The following OCA2 variants were observed in gnomAD, a reference collection of about 807,000 sequenced individuals.
OCA2 encodes the protein OCA2 melanosomal transmembrane protein.
In OCA2, 77 loss-of-function variants were observed where a neutral mutation model predicts 100.2. The observed-to-expected ratio is 0.77, with a 90% confidence interval of 0.64 to 0.93. The LOEUF (loss-of-function observed/expected upper bound fraction) is 0.93. Ranked by LOEUF, OCA2 falls within the 40% of genes least tolerant of loss-of-function variation. The pLI is 0.00. For synonymous variants in OCA2, 432 were observed against 439.2 expected (o/e 0.98, Z 0.21); for missense variants, 1,062 against 1,089.1 (o/e 0.98, Z 0.35).
chr15:27,954,157 A>C (rs1016407849), intron 17 of OCA2, among the ~76,000 whole-genome samples: 1 of 34,244 alleles, frequency 2.9e-5, no homozygotes, highest in African/African-American at 4.6e-5. Flanking sequence ...ACACACACAC[A>C]CACCTAGGGT....
chr15:27,861,285 G>C (rs1024267531), intron 21 of OCA2, among the ~76,000 whole-genome samples: 8 of 152,174 alleles, frequency 5.3e-5, no homozygotes, highest in Non-Finnish European at 1.2e-4. Context: ...GAAGAGTGGG[G>C]AAAGATGGAA....
chr15:27,982,559 C>G (rs1292249715), intron 14 of OCA2, among the ~76,000 whole-genome samples: 1 of 152,202 alleles, frequency 6.6e-6, no homozygotes, highest in East Asian at 1.9e-4. Context: ...CTGGAGCGCA[C>G]TGCTTCCATG....
At chr15:28,086,924 T>C (rs1302725347) in intron 1 of OCA2, among the ~76,000 whole-genome samples, 1 of 152,136 alleles carries the variant, frequency 6.6e-6, no homozygotes, top group Non-Finnish European at 1.5e-5. Flanking sequence ...TATCAGAACC[T>C]CAGAGACCTA....
chr15:28,057,769 G>A (rs978832746), intron 2 of OCA2, among the ~76,000 whole-genome samples: 2 of 152,184 alleles, frequency 1.3e-5, no homozygotes, highest in Non-Finnish European at 2.9e-5. Context: ...GTAAGCAGCC[G>A]CTGCTGCAGG....
At chr15:27,860,319 T>A (rs970261389) in intron 21 of OCA2, among the ~76,000 whole-genome samples, 1 of 152,120 alleles carries the variant, frequency 6.6e-6, no homozygotes, top group Admixed American at 6.5e-5. Flanking sequence ...TATTTTAGAG[T>A]CAGGGGAGCA....
intron 19 of OCA2, among the ~76,000 whole-genome samples, chr15:27,888,831 C>T (rs1193665381): frequency 6.6e-6 from 1 of 152,068 alleles, no homozygotes; most frequent in Non-Finnish European, 1.5e-5. Flanking sequence ...TTAGAGCTCC[C>T]AGAGTGGTTT....
intron 22 of OCA2, 86 bp downstream of exon 22, chr15:27,851,296 T>A: frequency 9.0e-7 from 1 of 1,109,704 alleles, no homozygotes; most frequent in Non-Finnish European, 1.4e-6. Context: ...CATTTGCTTT[T>A]AATCTGATAC....
chr15:27,932,491 C>G (rs767692), intron 18 of OCA2, among the ~76,000 whole-genome samples: 15 of 146,346 alleles, frequency 1.0e-4, no homozygotes, highest in East Asian at 2.1e-4. Flanking sequence ...AGCTAGGGGG[C>G]GGTGGGGGCA....
chr15:27,813,300 G>A (rs1231202412), intron 23 of OCA2, among the ~76,000 whole-genome samples: 1 of 152,108 alleles, frequency 6.6e-6, no homozygotes, highest in East Asian at 1.9e-4. Context: ...AACTGGCCCA[G>A]AGGGCCTCTC....
intron 1 of OCA2, among the ~76,000 whole-genome samples, chr15:28,082,487 T>C (rs560612884): frequency 6.6e-6 from 1 of 152,300 alleles, no homozygotes; most frequent in East Asian, 1.9e-4. Flanking sequence ...CCGGACACCC[T>C]AGCAGTGGCC....
At chr15:27,972,439 G>C (rs2040821937) in intron 14 of OCA2, among the ~76,000 whole-genome samples, 1 of 152,328 alleles carries the variant, frequency 6.6e-6, no homozygotes, top group African/African-American at 2.4e-5. Flanking sequence ...TTTTCCATAA[G>C]GGTTGTATTA....
chr15:27,904,043 T>G (rs1028640334), intron 19 of OCA2, among the ~76,000 whole-genome samples: 11 of 152,212 alleles, frequency 7.2e-5, no homozygotes, highest in African/African-American at 2.7e-4. Flanking sequence ...ACATGATGCC[T>G]GCAGATAAGT....
intron 2 of OCA2, among the ~76,000 whole-genome samples, chr15:28,060,644 A>G (rs1004047620): frequency 8.5e-5 from 13 of 152,202 alleles, no homozygotes; most frequent in Non-Finnish European, 5.9e-5. Context: ...GAAGTTAACA[A>G]AAGTATAAAA....
At chr15:28,092,380 G>A (rs1426578798) in intron 1 of OCA2, among the ~76,000 whole-genome samples, 1 of 151,956 alleles carries the variant, frequency 6.6e-6, no homozygotes, top group Non-Finnish European at 1.5e-5. Context: ...TTTTGAAACA[G>A]GGTCTCTCTC....
chr15:27,878,295 C>T (rs558459770), intron 19 of OCA2, among the ~76,000 whole-genome samples: 24 of 152,194 alleles, frequency 1.6e-4, no homozygotes, highest in African/African-American at 5.8e-4. Flanking sequence ...CTACTATTTA[C>T]CATTTCTGCT....
At chr15:27,893,502 G>A (rs958401827) in intron 19 of OCA2, among the ~76,000 whole-genome samples, 4 of 152,174 alleles carry the variant, frequency 2.6e-5, no homozygotes, top group Admixed American at 6.5e-5. Flanking sequence ...ATAAATGGAC[G>A]TGCAAGTAGG....
In OCA2 at chr15:27,891,835, A is replaced by G. The variant is rs553546482; in HGVS notation, c.2080-19913T>C. 3.9e-5 allele frequency among the ~76,000 whole-genome samples: 6 copies of G among 152,304 alleles called. No homozygotes were observed. In the South Asian group the frequency reaches 1.0e-3, roughly 26 times the overall value. ...TAAACATATCAACCAAAACACAGAG[A>G]CCGGAAGAAAGGATTGAAAAAATAA... On this transcript the variant is annotated intron_variant, in intron 19 of 23. Transcript: ENST00000354638.
chr15:27,762,612 G>A (rs759297264), intron 23 of OCA2, among the ~76,000 whole-genome samples: 10 of 152,046 alleles, frequency 6.6e-5, no homozygotes, highest in East Asian at 1.9e-4. Context: ...CTGTGCACCC[G>A]AACACTCCAC....
intron 23 of OCA2, among the ~76,000 whole-genome samples, chr15:27,836,601 C>T (rs917003995): frequency 2.6e-5 from 4 of 152,210 alleles, no homozygotes; most frequent in African/African-American, 4.8e-5. Flanking sequence ...CAGAGATTAA[C>T]CTTTGAAAAG....
Sources: gnomAD v4.1 joint callset for allele counts (sites outside exome capture counted in the v4.1 genomes callset) on GRCh38, gnomAD v4.1.1 for gene constraint, MANE v1.5 for transcripts, NCBI Gene and HGNC (gene_info 2026-07-23, HGNC 2026-07-21) for gene names.